RHOD: variants seen among roughly 807,000 people sequenced by gnomAD.
The protein encoded by RHOD is ras homolog family member D.
Under a neutral mutation model 16.7 loss-of-function variants are expected in RHOD, and 11 were observed. That is an observed-to-expected ratio of 0.66 (90% CI 0.41 to 1.09). The LOEUF is 1.09. Among genes scored for constraint, RHOD ranks in the 50% least tolerant of loss-of-function variants. The pLI is 0.00. For missense variants in RHOD, 271 were observed against 291.7 expected, an observed-to-expected ratio of 0.93 and a Z score of 0.52; for synonymous variants, 124 against 126.3, an observed-to-expected ratio of 0.98 and a Z score of 0.12.
chr11:67,062,371 T>G (rs1854903586), intron 1 of RHOD, among the ~76,000 whole-genome samples: 1 of 152,128 alleles, frequency 6.6e-6, no homozygotes, highest in Non-Finnish European at 1.5e-5. Flanking sequence ...AACCTAAAGC[T>G]AGTGCTCCTA....
At chr11:67,057,093 C>A in intron 1 of RHOD, 59 bp downstream of exon 1, 1 of 1,370,632 alleles carries the variant, frequency 7.3e-7, no homozygotes, top group East Asian at 3.1e-5. Context: ...GTGTACAGGT[C>A]CGTGCCGGAG....
At chr11:67,060,940 C>T (rs1854879067) in intron 1 of RHOD, among the ~76,000 whole-genome samples, 1 of 152,228 alleles carries the variant, frequency 6.6e-6, no homozygotes, top group Admixed American at 6.5e-5. Flanking sequence ...ATGACAGGCC[C>T]CTACTCTAGG....
intron 1 of RHOD, among the ~76,000 whole-genome samples, chr11:67,061,854 A>ATC (rs1854894837): frequency 6.9e-6 from 1 of 145,594 alleles, no homozygotes; most frequent in African/African-American, 2.6e-5. Flanking sequence ...GTATATATAT[A>ATC]TTAGCCAGGC....
chr11:67,067,648 T>C (rs535261699), intron 3 of RHOD, among the ~76,000 whole-genome samples: 1 of 152,214 alleles, frequency 6.6e-6, no homozygotes, highest in African/African-American at 2.4e-5. Flanking sequence ...GGGCATTGGG[T>C]ACCAGGAGAG....
At chr11:67,066,005 AG>A in intron 2 of RHOD, 22 bp downstream of exon 2, 1 of 593,606 alleles carries the variant, frequency 1.7e-6, no homozygotes, top group Non-Finnish European at 3.2e-6. Flanking sequence ...GGGGTGGGGC[AG>A]GGTGGGAGGG....
chr11:67,069,839 C>T (rs934776721), intron 3 of RHOD, among the ~76,000 whole-genome samples: 1 of 151,984 alleles, frequency 6.6e-6, no homozygotes, highest in Non-Finnish European at 1.5e-5. Context: ...ATTACAGGCA[C>T]CCGCCATCAT....
chr11:67,068,549 C>T (rs1394633653), intron 3 of RHOD, among the ~76,000 whole-genome samples: 1 of 152,086 alleles, frequency 6.6e-6, no homozygotes, highest in Non-Finnish European at 1.5e-5. Context: ...CGGTAGCTCA[C>T]GCCTTGTAAT....
chr11:67,071,928 A>C lies in RHOD; in HGVS notation c.*326A>C. 9.7e-6 allele frequency: 3 copies of C among 309,350 alleles called. No homozygotes were observed. Among genetic ancestry groups the C allele is most frequent in the East Asian group, 5.3e-5 (1 of 18,962 alleles). The allele number at this position is 309,350 out of a possible 1,614,324, so 19.2% of individuals were successfully genotyped here. A position where few individuals can be genotyped will look rare whatever the true frequency, so the allele number is the denominator to read the frequency against. ...CCAGGGCTGCACCTGCCAGGACCTAATGTTCTTAGGTCCCTCTGGCCAGAA... is the reference window on the plus strand; with the variant it reads ...CCAGGGCTGCACCTGCCAGGACCTACTGTTCTTAGGTCCCTCTGGCCAGAA... On this transcript the variant is annotated 3_prime_UTR_variant, in exon 5 of 5. Coordinates refer to ENST00000308831, the MANE Select transcript of RHOD (RefSeq NM_014578.4).
chr11:67,061,774 ATGTG>A (rs1322208987), intron 1 of RHOD, among the ~76,000 whole-genome samples: 3 of 136,434 alleles, frequency 2.2e-5, no homozygotes, highest in Admixed American at 7.6e-5. Context: ...ATATATATAT[ATGTG>A]TGTGTGTGTG....
intron 1 of RHOD, among the ~76,000 whole-genome samples, chr11:67,062,719 C>T (rs995512440): frequency 1.3e-5 from 2 of 152,142 alleles, no homozygotes; most frequent in Non-Finnish European, 2.9e-5. Flanking sequence ...GGCAGGCAGG[C>T]GTGAAATTCT....
chr11:67,062,446 G>C (rs1854904153), intron 1 of RHOD, among the ~76,000 whole-genome samples: 1 of 152,124 alleles, frequency 6.6e-6, no homozygotes, highest in African/African-American at 2.4e-5. Context: ...GAGCAGGCAA[G>C]GGGGGATGGA....
chr11:67,062,218 A>C (rs1854901746), intron 1 of RHOD, among the ~76,000 whole-genome samples: 1 of 151,956 alleles, frequency 6.6e-6, no homozygotes, highest in South Asian at 2.1e-4. Context: ...GGTGGTGAGC[A>C]TTTATGCTGG....
rs1187498494 is a variant in RHOD at position 67,071,837 on chromosome 11, T to C, written c.*235T>C. ...TGCCCGAGAATCACTCGCTAACCCCTATGCCCGGTCCCGGACCGACATCCT... is the reference window on the plus strand; with the variant it reads ...TGCCCGAGAATCACTCGCTAACCCCCATGCCCGGTCCCGGACCGACATCCT... On this transcript the variant is annotated 3_prime_UTR_variant, in exon 5 of 5. Transcript: ENST00000308831. 3 of 462,642 alleles carry C rather than the reference T, an allele frequency of 6.5e-6. No individual in the cohort carries two copies. The highest frequency in any genetic ancestry group is 8.7e-5 in the South Asian group (2 of 22,914). 28.7% of individuals were successfully genotyped at this position (462,642 alleles called of 1,614,324 possible).
chr11:67,066,981 T>C, intron 3 of RHOD, 134 bp downstream of exon 3: 1 of 690,222 alleles, frequency 1.4e-6, no homozygotes, highest in East Asian at 2.7e-5. Context: ...TTGGTGTATA[T>C]ATGGGGAAAC....
chr11:67,071,375 G>A (rs1038249044), intron 4 of RHOD, 60 bp from the exon 5 acceptor site: 81 of 1,468,018 alleles, frequency 5.5e-5, no homozygotes, highest in Non-Finnish European at 6.8e-5. Flanking sequence ...AAAAGGAAGC[G>A]AGAACGTGAG....
At position 67,068,091 on chromosome 11, in the gene RHOD, G is replaced by A. The variant is rs561588488; in HGVS notation, c.330+1244G>A. On this transcript the variant is annotated intron_variant, in intron 3 of 4. Coordinates refer to ENST00000308831, the MANE Select transcript of RHOD (RefSeq NM_014578.4). Reference sequence around the variant, plus strand: ...TGGGATTACAGGCGTGAGCCACCACGCCCAGCCTGGGAGGAGTTTTTACCA... The same window carrying A: ...TGGGATTACAGGCGTGAGCCACCACACCCAGCCTGGGAGGAGTTTTTACCA... Among the ~76,000 whole-genome samples, 25 of 152,312 alleles carry A rather than the reference G, an allele frequency of 1.6e-4. No individual in the cohort carries two copies. In the South Asian group the frequency reaches 3.9e-3, roughly 24 times the overall value.
At chr11:67,068,732 G>A (rs968961022) in intron 3 of RHOD, among the ~76,000 whole-genome samples, 6 of 151,952 alleles carry the variant, frequency 3.9e-5, no homozygotes, top group Non-Finnish European at 5.9e-5. Context: ...GCTTGAACCC[G>A]GGAGGCGGAG....
chr11:67,062,720 G>A (rs1465601035), intron 1 of RHOD, among the ~76,000 whole-genome samples: 6 of 152,188 alleles, frequency 3.9e-5, no homozygotes, highest in African/African-American at 9.6e-5. Context: ...GCAGGCAGGC[G>A]TGAAATTCTC....
chr11:67,063,106 A>C (rs910859634), intron 1 of RHOD, among the ~76,000 whole-genome samples: 5 of 152,126 alleles, frequency 3.3e-5, no homozygotes, highest in African/African-American at 1.2e-4. Context: ...AACATGGGGC[A>C]CTGGGCTGGG....
Sources: gnomAD v4.1 joint callset for allele counts (sites outside exome capture counted in the v4.1 genomes callset) on GRCh38, gnomAD v4.1.1 for gene constraint, MANE v1.5 for transcripts, NCBI Gene and HGNC (gene_info 2026-07-23, HGNC 2026-07-21) for gene names.